Variants in NIN observed in about 807,000 individuals in gnomAD.
NIN encodes the protein glycogen synthase kinase 3 beta-interacting protein.
Under a neutral mutation model 257.6 loss-of-function variants are expected in NIN, and 137 were observed. That is an observed-to-expected ratio of 0.53 (90% CI 0.46 to 0.61). NIN has a LOEUF of 0.61. Ranked by LOEUF, NIN falls within the 20% of genes least tolerant of loss-of-function variation. The pLI is 0.00. For synonymous variants in NIN, 918 were observed against 919.8 expected (o/e 1.00, Z 0.04); for missense variants, 2,439 against 2,501.2 (o/e 0.98, Z 0.53).
intron 2 of NIN, 69 bp downstream of exon 2, chr14:50,830,395 C>G (rs1487655017): frequency 6.0e-6 from 1 of 166,840 alleles, no homozygotes; most frequent in Admixed American, 6.5e-5. Flanking sequence ...ATCGCCACTA[C>G]CAGAAACCTC....
intron 29 of NIN, chr14:50,727,636 G>T (rs1449788300): frequency 1.5e-5 from 22 of 1,443,998 alleles, no homozygotes; most frequent in Middle Eastern, 1.9e-4. Context: ...GCATGGGTGG[G>T]TGTGTGCATC....
In NIN at chr14:50,766,827, G is replaced by T; in HGVS notation, c.1498C>A (p.Leu500Met). The change falls in exon 13 of 31, where the codon CTG becomes ATG. Residue 500 changes from leucine (L) to methionine (M), a missense_variant. Leu to Met is a conservative substitution (Grantham distance 15, BLOSUM62 2). This residue lies in a region of NIN where 2,043 missense variants were observed against 2,050.2 expected (regional missense o/e 1.00). Transcript: ENST00000530997. ...NAEKLAEYEN[L>M]TNKLQRNLEN... ...AAATTTCTCTGAAGTTTGTTTGTCAGATTCTCATATTCTGCCAACTTCTCT... is the reference window on the plus strand; with the variant it reads ...AAATTTCTCTGAAGTTTGTTTGTCATATTCTCATATTCTGCCAACTTCTCT... The T allele has an allele frequency of 6.2e-7, 1 of 1,613,974 alleles. No homozygotes were observed. Among genetic ancestry groups the T allele is most frequent in the Non-Finnish European group, 8.5e-7 (1 of 1,179,952 alleles).
intron 3 of NIN, among the ~76,000 whole-genome samples, chr14:50,813,632 C>T (rs996296527): frequency 6.6e-6 from 1 of 152,012 alleles, no homozygotes; most frequent in Non-Finnish European, 1.5e-5. Context: ...ACCACACACA[C>T]AAAAAAACCC....
intron 28 of NIN, among the ~76,000 whole-genome samples, chr14:50,734,493 G>T (rs61985503): frequency 2.6e-5 from 4 of 152,074 alleles, no homozygotes; most frequent in African/African-American, 7.2e-5. Context: ...CCTTACATAA[G>T]TCTTATAGTT....
intron 7 of NIN, among the ~76,000 whole-genome samples, chr14:50,776,454 C>T (rs1261857144): frequency 1.3e-5 from 2 of 152,208 alleles, no homozygotes; most frequent in African/African-American, 4.8e-5. Context: ...AGCAGTTTAG[C>T]TCCTCGTCAG....
At chr14:50,731,041 G>C (rs767733426) in intron 28 of NIN, 2 of 774,196 alleles carry the variant, frequency 2.6e-6, no homozygotes, top group Non-Finnish European at 3.9e-6. Context: ...AGGAGTTAGA[G>C]AAAAGTATGA....
chr14:50,762,054 G>C (rs2042294056), intron 15 of NIN, 143 bp from the exon 16 acceptor site: 4 of 836,596 alleles, frequency 4.8e-6, no homozygotes, highest in Non-Finnish European at 7.5e-6. Context: ...AAATAACAGA[G>C]GCCAAGAGAA....
Position 50,723,391 on chromosome 14 carries a change from AAGTTG to A in NIN, c.*67_*71del. 1 of 1,343,480 alleles carries A rather than the reference AAGTTG, an allele frequency of 7.4e-7. No individual in the cohort carries two copies. Among genetic ancestry groups the A allele is most frequent in the Non-Finnish European group, 1.0e-6 (1 of 960,696 alleles). 83.2% of individuals were successfully genotyped at this position (1,343,480 alleles called of 1,614,324 possible). A position where few individuals can be genotyped will look rare whatever the true frequency, so the allele number is the denominator to read the frequency against. Reference sequence around the variant, plus strand: ...GCAGTTTTAGGTTAGGCTTAATTTTAAGTTGAGAACCTACTGAAATGTTCATCTAT... The same window carrying A: ...GCAGTTTTAGGTTAGGCTTAATTTTAAGAACCTACTGAAATGTTCATCTAT... On this transcript the variant is annotated 3_prime_UTR_variant, in exon 31 of 31. Coordinates refer to ENST00000530997, the MANE Select transcript of NIN (RefSeq NM_020921.4).
At chr14:50,811,796 C>T (rs2044630334) in intron 3 of NIN, among the ~76,000 whole-genome samples, 1 of 151,880 alleles carries the variant, frequency 6.6e-6, no homozygotes, top group Admixed American at 6.6e-5. Flanking sequence ...AGATCGAGAC[C>T]ATCCTGGCTA....
In NIN at chr14:50,723,324, A is replaced by T; in HGVS notation, c.*139T>A. On this transcript the variant is annotated 3_prime_UTR_variant, in exon 31 of 31. Coordinates refer to ENST00000530997, the MANE Select transcript of NIN (RefSeq NM_020921.4). ...CAAACTCCCATAAGGGTCTATTTAG[A>T]AAAACTAATTATGATAAATGGAAAC... 1 of 657,108 alleles carries T rather than the reference A, an allele frequency of 1.5e-6. No individual in the cohort carries two copies. The highest frequency in any genetic ancestry group is 2.6e-6 in the Non-Finnish European group (1 of 388,404). 40.7% of individuals were successfully genotyped at this position (657,108 alleles called of 1,614,324 possible). A position where few individuals can be genotyped will look rare whatever the true frequency, so the allele number is the denominator to read the frequency against.
In NIN at chr14:50,721,233, G is replaced by C. The variant is rs1224622047; in HGVS notation, c.*2230C>G. The C allele has an allele frequency of 4.9e-6, 1 of 202,714 alleles. No homozygotes were observed. Among genetic ancestry groups the C allele is most frequent in the Non-Finnish European group, 1.0e-5 (1 of 98,792 alleles). The allele number at this position is 202,714 out of a possible 1,614,324, so 12.6% of individuals were successfully genotyped here. On this transcript the variant is annotated 3_prime_UTR_variant, in exon 31 of 31. Transcript: ENST00000530997. ...ACCTAGATGTTGGTTAAATTCATTT[G>C]AGCAGCATTTTGATTTTGAATAGAG...
chr14:50,724,398 G>A (rs763158835), intron 30 of NIN: 18 of 219,458 alleles, frequency 8.2e-5, no homozygotes, highest in Admixed American at 1.7e-4. Flanking sequence ...TAACTAAAGA[G>A]TAGCTTAACA....
chr14:50,735,168 C>CT (rs2040914506), intron 28 of NIN, among the ~76,000 whole-genome samples: 1 of 152,176 alleles, frequency 6.6e-6, no homozygotes, highest in African/African-American at 2.4e-5. Flanking sequence ...TAAAATGCTG[C>CT]AATATAGGAG....
At chr14:50,764,044 G>T (rs921085700) in intron 14 of NIN, 80 bp from the exon 15 acceptor site, 2 of 1,284,836 alleles carry the variant, frequency 1.6e-6, no homozygotes, top group African/African-American at 2.9e-5. Context: ...AGATAAATTG[G>T]ATATCATCAA....
At chr14:50,727,434 T>G in intron 29 of NIN, 2 of 1,150,280 alleles carry the variant, frequency 1.7e-6, no homozygotes, top group Non-Finnish European at 2.2e-6. Flanking sequence ...ATCCACACTC[T>G]TTAAAGGGTA....
At chr14:50,752,286 T>C (rs2041820541) in intron 21 of NIN, among the ~76,000 whole-genome samples, 1 of 152,166 alleles carries the variant, frequency 6.6e-6, no homozygotes, top group African/African-American at 2.4e-5. Flanking sequence ...AATTTAAAAG[T>C]CCATCTTTAC....
intron 3 of NIN, among the ~76,000 whole-genome samples, chr14:50,809,025 C>T (rs902121641): frequency 6.6e-6 from 1 of 151,936 alleles, no homozygotes; most frequent in Non-Finnish European, 1.5e-5. Flanking sequence ...GTTTGAGACC[C>T]GCCTGGCCAA....
At chr14:50,814,276 C>T (rs908979297) in intron 3 of NIN, among the ~76,000 whole-genome samples, 1 of 152,146 alleles carries the variant, frequency 6.6e-6, no homozygotes, top group Non-Finnish European at 1.5e-5. Flanking sequence ...CGCAAGAGAA[C>T]TTCTAGCAAA....
At chr14:50,794,840 G>A (rs1157401357) in intron 4 of NIN, among the ~76,000 whole-genome samples, 4 of 151,654 alleles carry the variant, frequency 2.6e-5, no homozygotes, top group Non-Finnish European at 5.9e-5. Flanking sequence ...CAAACCTACC[G>A]GTGGATGAAA....
Sources: allele counts gnomAD v4.1 joint callset (sites outside exome capture counted in the v4.1 genomes callset), GRCh38; gene constraint gnomAD v4.1.1; regional missense constraint gnomAD v4.1.1; transcripts MANE v1.5; gene names NCBI Gene and HGNC (gene_info 2026-07-23, HGNC 2026-07-21).